Variants in KCNQ1 observed in about 807,000 individuals in gnomAD.
KCNQ1 encodes potassium voltage-gated channel subfamily Q member 1.
In KCNQ1, 49 loss-of-function variants were observed where a neutral mutation model predicts 72.4. The ratio of observed to expected loss-of-function variants is 0.68; its 90% CI spans 0.54 to 0.86. The LOEUF is 0.86. KCNQ1 is among the 40% of genes least tolerant of loss of function. KCNQ1 has a pLI of 0.00. For synonymous variants in KCNQ1, 450 were observed against 412.6 expected (o/e 1.09, Z -1.10); for missense variants, 790 against 945.1 (o/e 0.84, Z 2.15).
At position 2,475,157 on chromosome 11, in the gene KCNQ1, C is replaced by T. The variant is rs1846552257; in HGVS notation, c.386+29673C>T. ...CAGTCACCCCTTTCCCCCATGCCCC[C>T]AGCTCCTGACAACCACAAGCCCACT... On this transcript the variant is annotated intron_variant, in intron 1 of 15. Coordinates refer to ENST00000155840, the MANE Select transcript of KCNQ1 (RefSeq NM_000218.3). The surrounding 1 kb of genome is among the most constrained non-coding windows in gnomAD (Gnocchi z 5.8). Among the ~76,000 whole-genome samples, 1 of 152,190 alleles carries T rather than the reference C, an allele frequency of 6.6e-6. No homozygotes were observed. The highest frequency in any genetic ancestry group is 2.4e-5 in the African/African-American group (1 of 41,442).
rs1846889036 is a variant in KCNQ1 at position 2,495,113 on chromosome 11, A to G, written c.387-32815A>G. On this transcript the variant is annotated intron_variant, in intron 1 of 15. Transcript: ENST00000155840. The surrounding 1 kb of genome is among the most constrained non-coding windows in gnomAD (Gnocchi z 4.6). ...TTTATCCATTTTTTCTAGATTTTCT[A>G]GTTTATTTGCATGGAGGTGTTTTTA... 6.6e-6 allele frequency among the ~76,000 whole-genome samples: 1 copy of G among 152,062 alleles called. No individual in the cohort carries two copies. The highest frequency in any genetic ancestry group is 1.5e-5 in the Non-Finnish European group (1 of 68,018).
intron 15 of KCNQ1, among the ~76,000 whole-genome samples, chr11:2,842,786 A>G (rs1352300904): frequency 1.3e-5 from 2 of 152,176 alleles, no homozygotes; most frequent in Non-Finnish European, 2.9e-5. Context: ...GATCATGGCC[A>G]TCGGGTGGCT....
intron 1 of KCNQ1, among the ~76,000 whole-genome samples, chr11:2,480,514 G>A (rs1322836470): frequency 6.6e-6 from 1 of 152,202 alleles, no homozygotes; most frequent in Admixed American, 6.5e-5. Context: ...TCACTACCAC[G>A]AGAACAATAT....
In KCNQ1 at chr11:2,735,003, G is replaced by A. The variant is rs2133945630; in HGVS notation, c.1515-33841G>A. Among the ~76,000 whole-genome samples, 1 of 152,226 alleles carries A rather than the reference G, an allele frequency of 6.6e-6. No individual in the cohort carries two copies. Among genetic ancestry groups the A allele is most frequent in the East Asian group, 1.9e-4 (1 of 5,148 alleles). On this transcript the variant is annotated intron_variant, in intron 11 of 15. Coordinates refer to ENST00000155840, the MANE Select transcript of KCNQ1 (RefSeq NM_000218.3). The surrounding 1 kb of genome is among the most constrained non-coding windows in gnomAD (Gnocchi z 7.7). ...CCGGCTGTGCACGCTGCCCCAGGCT[G>A]GTGGGGTAAGCGCCTCGGAGGGCAC...
intron 6 of KCNQ1, among the ~76,000 whole-genome samples, chr11:2,575,092 C>T (rs546808977): frequency 6.6e-6 from 1 of 152,314 alleles, no homozygotes; most frequent in Admixed American, 6.5e-5. Context: ...TAAGCAGTGC[C>T]CAGCCTTCGC....
At chr11:2,760,991 A>G (rs944242954) in intron 11 of KCNQ1, among the ~76,000 whole-genome samples, 1 of 152,246 alleles carries the variant, frequency 6.6e-6, no homozygotes, top group Non-Finnish European at 1.5e-5. Flanking sequence ...TAGTCAGCTC[A>G]GTTAGACCCC....
In KCNQ1 at chr11:2,827,919, G is replaced by A. The variant is rs992321986; in HGVS notation, c.1795-19848G>A. ...GATGCCTCTGAGACATGGAAGTGGT[G>A]AGGTCAGGGGCCGGGAACCCTATGG... On this transcript the variant is annotated intron_variant, in intron 15 of 15. Transcript: ENST00000155840. This position sits in a 1 kb window ranked among gnomAD's most constrained non-coding sequence, Gnocchi z 6.7. Among the ~76,000 whole-genome samples the A allele has an allele frequency of 6.6e-6, 1 of 152,228 alleles. No individual in the cohort carries two copies. The highest frequency in any genetic ancestry group is 1.5e-5 in the Non-Finnish European group (1 of 68,036).
intron 15 of KCNQ1, among the ~76,000 whole-genome samples, chr11:2,833,024 C>T (rs752903323): frequency 5.9e-5 from 9 of 152,206 alleles, no homozygotes; most frequent in Non-Finnish European, 1.0e-4. Context: ...CTGCTGTTCC[C>T]TGCTCAGGGC....
rs12802897 is a variant in KCNQ1 at position 2,562,078 on chromosome 11, A to T, written c.478-8550A>T. ...ATGTCCCCAGCAGTAAGGCCAGGACAGGGCAGCCGGACCCCGACTGTGCCA... is the reference window on the plus strand; with the variant it reads ...ATGTCCCCAGCAGTAAGGCCAGGACTGGGCAGCCGGACCCCGACTGTGCCA... On this transcript the variant is annotated intron_variant, in intron 2 of 15. Coordinates refer to ENST00000155840, the MANE Select transcript of KCNQ1 (RefSeq NM_000218.3). The surrounding 1 kb of genome is among the most constrained non-coding windows in gnomAD (Gnocchi z 7.5). Among the ~76,000 whole-genome samples the T allele has an allele frequency of 6.6e-6, 1 of 151,940 alleles. No individual in the cohort carries two copies. Among genetic ancestry groups the T allele is most frequent in the Admixed American group, 6.5e-5 (1 of 15,278 alleles).
At chr11:2,727,043 G>A (rs181645552) in intron 11 of KCNQ1, among the ~76,000 whole-genome samples, 1 of 152,350 alleles carries the variant, frequency 6.6e-6, no homozygotes, top group African/African-American at 2.4e-5. Flanking sequence ...GGGGGTTTGT[G>A]CTATGCCCTT....
chr11:2,656,132 G>A, intron 10 of KCNQ1: 2 of 398,636 alleles, frequency 5.0e-6, no homozygotes, highest in Non-Finnish European at 8.8e-6. Context: ...GTGCTCCATC[G>A]TTCCTTCTAC....
rs1850501267 is a variant in KCNQ1 at position 2,687,024 on chromosome 11, T to TA, written c.1514+24947dup. The TA allele has an allele frequency of 5.0e-6, 2 of 398,510 alleles. No individual in the cohort carries two copies. The highest frequency in any genetic ancestry group is 2.5e-4 in the South Asian group (2 of 7,858). 24.7% of individuals were successfully genotyped at this position (398,510 alleles called of 1,614,324 possible). A position where few individuals can be genotyped will look rare whatever the true frequency, so the allele number is the denominator to read the frequency against. ...TAAGATGGGAGCAAGAGCTTAGGGCTAAAACTCAGCAGTCCCAGCTCTGGG... is the reference window on the plus strand; with the variant it reads ...TAAGATGGGAGCAAGAGCTTAGGGCTAAAAACTCAGCAGTCCCAGCTCTGGG... On this transcript the variant is annotated intron_variant, in intron 11 of 15. Coordinates refer to ENST00000155840, the MANE Select transcript of KCNQ1 (RefSeq NM_000218.3). This position sits in a 1 kb window ranked among gnomAD's most constrained non-coding sequence, Gnocchi z 5.0.
chr11:2,662,969 G>T (rs1365232393), intron 11 of KCNQ1: 1 of 398,620 alleles, frequency 2.5e-6, no homozygotes, highest in Non-Finnish European at 4.4e-6. Flanking sequence ...TCCTGCCTTT[G>T]CAGCCAGCCA....
chr11:2,812,526 C>T (rs144347250), intron 15 of KCNQ1, among the ~76,000 whole-genome samples: 2,194 of 152,330 alleles, frequency 0.014, 57 homozygotes, highest in African/African-American at 0.049. Context: ...TTCCGGGAGG[C>T]GGGAACAGCA....
intron 11 of KCNQ1, among the ~76,000 whole-genome samples, chr11:2,754,611 G>A (rs1191366871): frequency 6.6e-6 from 1 of 152,220 alleles, no homozygotes; most frequent in Non-Finnish European, 1.5e-5. Context: ...TGACCAAGGA[G>A]GTGTTGCAGG....
intron 15 of KCNQ1, among the ~76,000 whole-genome samples, chr11:2,819,998 T>G (rs1352898637): frequency 1.3e-5 from 2 of 152,246 alleles, no homozygotes; most frequent in Non-Finnish European, 2.9e-5. Flanking sequence ...TTGCTTAAGG[T>G]TTATCTACTT....
rs568686122 is a variant in KCNQ1, at chr11:2,602,208, C to G, written c.1393+13354C>G. On this transcript the variant is annotated intron_variant, in intron 10 of 15. Transcript: ENST00000155840. The surrounding 1 kb of genome is among the most constrained non-coding windows in gnomAD (Gnocchi z 4.8). ...CTCCCCTGAAGCCTCCAGAAGGAAC[C>G]AGCCCTGCTGACACCTTGATTTTTC... 8.6e-5 allele frequency among the ~76,000 whole-genome samples: 13 copies of G among 151,888 alleles called. No homozygotes were observed. Among genetic ancestry groups the G allele is most frequent in the African/African-American group, 3.1e-4 (13 of 41,338 alleles).
intron 6 of KCNQ1, among the ~76,000 whole-genome samples, chr11:2,581,697 G>A (rs184057184): frequency 5.9e-5 from 9 of 152,384 alleles, no homozygotes; most frequent in Admixed American, 2.6e-4. Flanking sequence ...ACGCACGTGC[G>A]TGTGCCGGGT....
intron 1 of KCNQ1, among the ~76,000 whole-genome samples, chr11:2,455,791 T>C (rs1554881951): frequency 6.6e-6 from 1 of 152,212 alleles, no homozygotes; most frequent in Non-Finnish European, 1.5e-5. Context: ...ATTACCTGAC[T>C]TCAAACTATA....
Sources: gnomAD v4.1 joint callset for allele counts (sites outside exome capture counted in the v4.1 genomes callset) on GRCh38, gnomAD v4.1.1 for gene constraint, Gnocchi (gnomAD v3.1) non-coding constraint, MANE v1.5 for transcripts, NCBI Gene and HGNC (gene_info 2026-07-23, HGNC 2026-07-21) for gene names.